Variants in TMEM178B observed in about 807,000 individuals in gnomAD.
The protein encoded by TMEM178B is transmembrane protein 178B.
TMEM178B carries 5 observed loss-of-function variants against 31.0 expected under a neutral mutation model. That is an observed-to-expected ratio of 0.16 (90% CI 0.08 to 0.34). The LOEUF is 0.34. Among genes scored for constraint, TMEM178B ranks in the 10% least tolerant of loss-of-function variants. The pLI is 1.00. For synonymous variants in TMEM178B, 164 were observed against 164.0 expected (o/e 1.00, Z 0.00); for missense variants, 275 against 400.3 (o/e 0.69, Z 2.67).
At chr7:141,368,419 G>C (rs764413183) in intron 2 of TMEM178B, among the ~76,000 whole-genome samples, 1 of 152,228 alleles carries the variant, frequency 6.6e-6, no homozygotes, top group Non-Finnish European at 1.5e-5. Context: ...GGTATAAAGT[G>C]CATAAAGTGT....
chr7:141,393,448 A>G (rs900413780), intron 2 of TMEM178B, among the ~76,000 whole-genome samples: 7 of 152,174 alleles, frequency 4.6e-5, no homozygotes, highest in African/African-American at 1.7e-4. Context: ...GGAGAGATCA[A>G]AGAGGAAGGA....
intron 1 of TMEM178B, among the ~76,000 whole-genome samples, chr7:141,188,809 C>T (rs958042420): frequency 6.6e-6 from 1 of 152,238 alleles, no homozygotes; most frequent in East Asian, 1.9e-4. Context: ...GTCTGGGATG[C>T]ACTGCGGATT....
At chr7:141,154,482 C>A (rs1207037341) in intron 1 of TMEM178B, among the ~76,000 whole-genome samples, 1 of 152,166 alleles carries the variant, frequency 6.6e-6, no homozygotes, top group East Asian at 1.9e-4. Context: ...GAAAACTTGA[C>A]CCACTGAAGG....
chr7:141,350,271 C>T (rs1799697077), intron 2 of TMEM178B, among the ~76,000 whole-genome samples: 1 of 152,040 alleles, frequency 6.6e-6, no homozygotes, highest in South Asian at 2.1e-4. Flanking sequence ...TTGACCATCC[C>T]ATCGAGAAAA....
At chr7:141,295,329 G>A (rs1256944751) in intron 2 of TMEM178B, among the ~76,000 whole-genome samples, 1 of 152,176 alleles carries the variant, frequency 6.6e-6, no homozygotes, top group Non-Finnish European at 1.5e-5. Flanking sequence ...GCAGAGAGGT[G>A]AGGAAAGAGG....
chr7:141,144,746 G>A (rs1795824957), intron 1 of TMEM178B, among the ~76,000 whole-genome samples: 1 of 152,136 alleles, frequency 6.6e-6, no homozygotes, highest in Non-Finnish European at 1.5e-5. Context: ...CACAAAGGAG[G>A]TAGGAGCTCC....
In TMEM178B at chr7:141,244,781, G is replaced by A. The variant is rs1243703004; in HGVS notation, c.496+32077G>A. Among the ~76,000 whole-genome samples, 3 of 152,104 alleles carry A rather than the reference G, an allele frequency of 2.0e-5. No individual in the cohort carries two copies. In the South Asian group the frequency reaches 6.2e-4, roughly 32 times the overall value. On this transcript the variant is annotated intron_variant, in intron 2 of 3. Coordinates refer to ENST00000565468, the MANE Select transcript of TMEM178B (RefSeq NM_001195278.2). The stretch of plus-strand genomic sequence containing the variant: ...AGGATGTGTTTCCAGGATGAAAGAG[G>A]AAGGTGTGAAGTGCACATAGGTTGC...
intron 2 of TMEM178B, among the ~76,000 whole-genome samples, chr7:141,382,373 T>G (rs1800333657): frequency 6.6e-6 from 1 of 152,208 alleles, no homozygotes; most frequent in South Asian, 2.1e-4. Context: ...CTCCTAGAGC[T>G]GAGAGTCTGT....
chr7:141,324,794 C>T (rs111691022), intron 2 of TMEM178B, among the ~76,000 whole-genome samples: 8 of 152,146 alleles, frequency 5.3e-5, no homozygotes, highest in South Asian at 2.1e-4. Flanking sequence ...TGTTCATCAT[C>T]GATTACATTT....
chr7:141,487,789 C>G, the TMEM178B span, among the ~76,000 whole-genome samples: 1 of 150,760 alleles, frequency 6.6e-6, no homozygotes, highest in East Asian at 1.9e-4. Flanking sequence ...TTCACGACCT[C>G]CCTTGCTCAC....
At chr7:141,428,028 C>T (rs1336366057) in intron 2 of TMEM178B, among the ~76,000 whole-genome samples, 1 of 152,204 alleles carries the variant, frequency 6.6e-6, no homozygotes, top group East Asian at 1.9e-4. Context: ...ATGACCAGAA[C>T]AGGAGAGGAC....
At chr7:141,509,019 G>A in the TMEM178B span, among the ~76,000 whole-genome samples, 1 of 152,178 alleles carries the variant, frequency 6.6e-6, no homozygotes, top group Admixed American at 6.5e-5. Flanking sequence ...AGTATATGCG[G>A]GACATGACAT....
At position 141,334,468 on chromosome 7, in the gene TMEM178B, A is replaced by G. The variant is rs114162165; in HGVS notation, c.497-103140A>G. Reference sequence around the variant, plus strand: ...TTAATGGCTGTTGTGGCCAGTTCCTATTGCACACTTGCAGTCATGTATCTG... The same window carrying G: ...TTAATGGCTGTTGTGGCCAGTTCCTGTTGCACACTTGCAGTCATGTATCTG... On this transcript the variant is annotated intron_variant, in intron 2 of 3. Transcript: ENST00000565468. Among the ~76,000 whole-genome samples, 610 of 152,284 alleles carry G rather than the reference A, an allele frequency of 4.0e-3. 2 individuals are homozygous for G. Among genetic ancestry groups the G allele is most frequent in the African/African-American group, 0.014 (582 of 41,546 alleles).
At chr7:141,485,547 A>G in the TMEM178B span, among the ~76,000 whole-genome samples, 20 of 152,240 alleles carry the variant, frequency 1.3e-4, no homozygotes, top group Admixed American at 1.3e-4. Flanking sequence ...ATAAGTATTT[A>G]TTATTAAATA....
chr7:141,404,269 C>T (rs1173101320), intron 2 of TMEM178B, among the ~76,000 whole-genome samples: 2 of 152,208 alleles, frequency 1.3e-5, no homozygotes, highest in Non-Finnish European at 2.9e-5. Flanking sequence ...CATGCTACTG[C>T]ACTCCAGCCT....
chr7:141,288,094 C>A (rs1422166464), intron 2 of TMEM178B, among the ~76,000 whole-genome samples: 2 of 152,158 alleles, frequency 1.3e-5, no homozygotes, highest in Non-Finnish European at 2.9e-5. Flanking sequence ...TGTGCCCGTG[C>A]GGTTGGGGAC....
chr7:141,087,626 G>T (rs905369352), intron 1 of TMEM178B, among the ~76,000 whole-genome samples: 1 of 152,168 alleles, frequency 6.6e-6, no homozygotes, highest in Non-Finnish European at 1.5e-5. Flanking sequence ...AACTAGTAAA[G>T]AAAAGGTGAG....
At chr7:141,423,217 A>G (rs992993595) in intron 2 of TMEM178B, among the ~76,000 whole-genome samples, 4 of 151,980 alleles carry the variant, frequency 2.6e-5, no homozygotes, top group African/African-American at 9.7e-5. Flanking sequence ...TAGTAGAGAC[A>G]GGGTTTCTCC....
intron 2 of TMEM178B, among the ~76,000 whole-genome samples, chr7:141,362,249 C>T (rs1167333015): frequency 6.6e-6 from 1 of 152,238 alleles, no homozygotes; most frequent in Non-Finnish European, 1.5e-5. Flanking sequence ...AGGCCCTTTA[C>T]TTTGTATTGG....
Sources: allele counts gnomAD v4.1 joint callset (sites outside exome capture counted in the v4.1 genomes callset), GRCh38; gene constraint gnomAD v4.1.1; transcripts MANE v1.5; gene names NCBI Gene and HGNC (gene_info 2026-07-23, HGNC 2026-07-21).